Variants in PRDM16 observed in about 807,000 individuals in gnomAD.
PRDM16 encodes the protein histone-lysine N-methyltransferase PRDM16.
PRDM16 carries 23 observed loss-of-function variants against 110.6 expected under a neutral mutation model. The ratio of observed to expected loss-of-function variants is 0.21; its 90% CI spans 0.15 to 0.29. The LOEUF is 0.29. PRDM16 is among the 10% of genes least tolerant of loss of function. The pLI, the probability that PRDM16 is intolerant of heterozygous loss-of-function variation, is 1.00. For synonymous variants in PRDM16, 799 were observed against 781.8 expected, an observed-to-expected ratio of 1.02 and a Z score of -0.37; for missense variants, 1,615 against 1,794.3, an observed-to-expected ratio of 0.90 and a Z score of 1.81.
chr1:3,149,440 C>T (rs544786223), intron 1 of PRDM16, among the ~76,000 whole-genome samples: 2 of 152,228 alleles, frequency 1.3e-5, no homozygotes, highest in South Asian at 2.1e-4. Flanking sequence ...TCTACCCACA[C>T]GAGGTGCTGT....
Position 3,434,562 on chromosome 1 carries a change from G to A in PRDM16, c.*751G>A, listed in dbSNP as rs961450940. On this transcript the variant is annotated 3_prime_UTR_variant, in exon 17 of 17. Transcript: ENST00000270722. ...ACACCCGTGAACCATGCAGACGGCCGAAGAAGTCTTAGGCAGGGCGCCCTG... is the reference window on the plus strand; with the variant it reads ...ACACCCGTGAACCATGCAGACGGCCAAAGAAGTCTTAGGCAGGGCGCCCTG... The A allele has an allele frequency of 3.0e-5, 7 of 231,842 alleles. No homozygotes were observed. Among genetic ancestry groups the A allele is most frequent in the East Asian group, 6.1e-5 (1 of 16,420 alleles). 14.4% of individuals were successfully genotyped at this position (231,842 alleles called of 1,614,324 possible).
chr1:3,383,027 C>T (rs575840574), intron 3 of PRDM16, among the ~76,000 whole-genome samples: 3 of 152,244 alleles, frequency 2.0e-5, no homozygotes, highest in Non-Finnish European at 4.4e-5. Flanking sequence ...CTTGGACCCA[C>T]GTCCCCTGTG....
In PRDM16 at chr1:3,355,266, G is replaced by GCCTCC. The variant is rs528638565; in HGVS notation, c.439-29885_439-29881dup. Reference sequence around the variant, plus strand: ...GGAGGGAGAGGAGTACAGAGTGGAGGCCTCCGGGGTATCAGGTACAAAGTG... The same window carrying GCCTCC: ...GGAGGGAGAGGAGTACAGAGTGGAGGCCTCCCCTCCGGGGTATCAGGTACAAAGTG... On this transcript the variant is annotated intron_variant, in intron 3 of 16. Transcript: ENST00000270722. 1.8e-4 allele frequency among the ~76,000 whole-genome samples: 28 copies of GCCTCC among 152,302 alleles called. No homozygotes were observed. In the South Asian group the frequency reaches 5.6e-3, roughly 30 times the overall value.
chr1:3,080,267 G>A lies in PRDM16; in HGVS notation c.37+10971G>A, dbSNP rs1641992063. On this transcript the variant is annotated intron_variant, in intron 1 of 16. Transcript: ENST00000270722. This position sits in a 1 kb window ranked among gnomAD's most constrained non-coding sequence, Gnocchi z 5.2. ...TGAAAATATTAAATTGCAATAACAC[G>A]CCGTGCGAGTGCCTCTCTGAATGGG... is the stretch of plus-strand genomic sequence containing the variant. Among the ~76,000 whole-genome samples, 1 of 152,128 alleles carries A rather than the reference G, an allele frequency of 6.6e-6. No homozygotes were observed. The highest frequency in any genetic ancestry group is 1.5e-5 in the Non-Finnish European group (1 of 68,034).
chr1:3,323,846 G>A (rs761051632), intron 3 of PRDM16, among the ~76,000 whole-genome samples: 1 of 152,216 alleles, frequency 6.6e-6, no homozygotes, highest in East Asian at 1.9e-4. Context: ...ATGTCAAAGA[G>A]GCCTGTTCAG....
chr1:3,092,293 G>A (rs548008326), intron 1 of PRDM16, among the ~76,000 whole-genome samples: 23 of 139,766 alleles, frequency 1.6e-4, no homozygotes, highest in African/African-American at 6.0e-4. Flanking sequence ...TGCTCTTCGT[G>A]AGTCCCGAGG....
chr1:3,360,576 C>T (rs1372844756), intron 3 of PRDM16, among the ~76,000 whole-genome samples: 1 of 152,166 alleles, frequency 6.6e-6, no homozygotes, highest in East Asian at 1.9e-4. Context: ...CCAGTCACTG[C>T]CCTTACATCC....
At chr1:3,404,486 G>A (rs1643526312) in intron 6 of PRDM16, among the ~76,000 whole-genome samples, 1 of 152,252 alleles carries the variant, frequency 6.6e-6, no homozygotes, top group Non-Finnish European at 1.5e-5. Flanking sequence ...CCGCCCTGGG[G>A]GTGGTCTTGG....
chr1:3,233,417 G>A (rs905892828), intron 2 of PRDM16, among the ~76,000 whole-genome samples: 3 of 152,218 alleles, frequency 2.0e-5, no homozygotes, highest in Admixed American at 6.5e-5. Flanking sequence ...CAGCGCACCC[G>A]CCGGAGCTGG....
intron 3 of PRDM16, among the ~76,000 whole-genome samples, chr1:3,296,659 G>A (rs1171477929): frequency 6.6e-6 from 1 of 152,360 alleles, no homozygotes; most frequent in East Asian, 1.9e-4. Flanking sequence ...TTGCCATGGG[G>A]GTCGTGTGTG....
rs759086974 is a variant in PRDM16, at chr1:3,148,804, C to G, written c.38-37321C>G. ...AAATCCATCCCCACTTTACTTAGCA[C>G]ATGTTGAAAGTCCTTCTAGAAAGCC... On this transcript the variant is annotated intron_variant, in intron 1 of 16. Coordinates refer to ENST00000270722, the MANE Select transcript of PRDM16 (RefSeq NM_022114.4). This position sits in a 1 kb window ranked among gnomAD's most constrained non-coding sequence, Gnocchi z 5.0. 2.6e-5 allele frequency among the ~76,000 whole-genome samples: 4 copies of G among 152,206 alleles called. No homozygotes were observed. Among genetic ancestry groups the G allele is most frequent in the Non-Finnish European group, 5.9e-5 (4 of 68,046 alleles).
Position 3,244,195 on chromosome 1 carries a change from G to GTCGCCCCGCCA in PRDM16, c.438+58_438+59insTCGCCCCGCCA. On this transcript the variant is annotated intron_variant, in intron 3 of 16. Transcript: ENST00000270722. This position sits in a 1 kb window ranked among gnomAD's most constrained non-coding sequence, Gnocchi z 4.1. ...CCCAGCGTCCTCGGAGCTCCTGGCG[G>GTCGCCCCGCCA]GGCGACCGCCATCCCAGCTGTCCCT... is the stretch of plus-strand genomic sequence containing the variant. The GTCGCCCCGCCA allele has an allele frequency of 6.6e-7, 1 of 1,520,200 alleles. No homozygotes were observed. Among genetic ancestry groups the GTCGCCCCGCCA allele is most frequent in the Non-Finnish European group, 9.1e-7 (1 of 1,097,468 alleles). 94.2% of individuals were successfully genotyped at this position (1,520,200 alleles called of 1,614,324 possible).
intron 2 of PRDM16, among the ~76,000 whole-genome samples, chr1:3,194,579 C>A (rs945242860): frequency 4.2e-5 from 6 of 142,094 alleles, no homozygotes; most frequent in Non-Finnish European, 9.1e-5. Flanking sequence ...TGTCTCCCCA[C>A]CACACGCCAC....
chr1:3,326,175 G>A (rs1641904538), intron 3 of PRDM16, among the ~76,000 whole-genome samples: 2 of 151,368 alleles, frequency 1.3e-5, no homozygotes, highest in Admixed American at 1.3e-4. Flanking sequence ...ACCATCCTTG[G>A]CCCTCCTTGG....
intron 12 of PRDM16, among the ~76,000 whole-genome samples, chr1:3,423,399 C>A (rs1638497479): frequency 1.3e-5 from 2 of 152,274 alleles, no homozygotes; most frequent in African/African-American, 2.4e-5. Context: ...GGGGAGGCCC[C>A]TGCGGGTGTG....
At chr1:3,304,389 C>G (rs1372287936) in intron 3 of PRDM16, among the ~76,000 whole-genome samples, 1 of 152,236 alleles carries the variant, frequency 6.6e-6, no homozygotes, top group African/African-American at 2.4e-5. Context: ...AGTCAGCTTT[C>G]CCTTAACAAG....
At chr1:3,287,944 T>C (rs879277558) in intron 3 of PRDM16, among the ~76,000 whole-genome samples, 2 of 152,358 alleles carry the variant, frequency 1.3e-5, no homozygotes, top group Middle Eastern at 6.8e-3. Context: ...CTGGGGCAGC[T>C]GCATGGCCGC....
rs1638836682 is a variant in PRDM16 at position 3,209,649 on chromosome 1, A to G, written c.387+23175A>G. Among the ~76,000 whole-genome samples the G allele has an allele frequency of 6.6e-6, 1 of 152,184 alleles. No individual in the cohort carries two copies. The highest frequency in any genetic ancestry group is 2.4e-5 in the African/African-American group (1 of 41,446). ...GATCCTTTGTCGAGACCAATTGGCCACAAATGCCACCTCCTGCTTCTGGAG... is the reference window on the plus strand; with the variant it reads ...GATCCTTTGTCGAGACCAATTGGCCGCAAATGCCACCTCCTGCTTCTGGAG... On this transcript the variant is annotated intron_variant, in intron 2 of 16. Coordinates refer to ENST00000270722, the MANE Select transcript of PRDM16 (RefSeq NM_022114.4). The surrounding 1 kb of genome is among the most constrained non-coding windows in gnomAD (Gnocchi z 4.6).
At chr1:3,344,631 G>T (rs1216374403) in intron 3 of PRDM16, among the ~76,000 whole-genome samples, 4 of 152,184 alleles carry the variant, frequency 2.6e-5, no homozygotes, top group African/African-American at 9.7e-5. Context: ...AGATGACATT[G>T]TAGAAACTCT....
Sources: gnomAD v4.1 joint callset for allele counts (sites outside exome capture counted in the v4.1 genomes callset) on GRCh38, gnomAD v4.1.1 for gene constraint, Gnocchi (gnomAD v3.1) non-coding constraint, MANE v1.5 for transcripts, NCBI Gene and HGNC (gene_info 2026-07-23, HGNC 2026-07-21) for gene names.